Variants in VCAN observed in about 807,000 individuals in gnomAD.
The protein encoded by VCAN is versican core protein.
In VCAN, 44 loss-of-function variants were observed where a neutral mutation model predicts 245.5. The ratio of observed to expected loss-of-function variants is 0.18; its 90% CI spans 0.14 to 0.23. VCAN has a LOEUF of 0.23. Ranked by LOEUF, VCAN falls within the 10% of genes least tolerant of loss-of-function variation. The pLI is 1.00. For synonymous variants in VCAN, 1,413 were observed against 1,437.0 expected, an observed-to-expected ratio of 0.98 and a Z score of 0.38; for missense variants, 3,793 against 4,057.9, an observed-to-expected ratio of 0.93 and a Z score of 1.77.
chr5:83,547,887 T>C, intron 9 of VCAN, 84 bp from the exon 10 acceptor site: 2 of 831,076 alleles, frequency 2.4e-6, no homozygotes, highest in Non-Finnish European at 4.0e-6. Flanking sequence ...GGCTGTCTTG[T>C]ATGTTATCTT....
Position 83,490,464 on chromosome 5 carries a change from CTG to C in VCAN, c.440_441del (p.Val147GlyfsTer19). 6.2e-7 allele frequency: 1 copy of C among 1,614,020 alleles called. No homozygotes were observed. On this transcript the variant is annotated frameshift_variant, in exon 3 of 15. Transcript: ENST00000265077. LOFTEE classifies it high-confidence loss of function. ...GACACACAAGACACGGTGTCACTGA[CTG>C]TGGATGGTAAGGCTTTTATTATCTG...
At position 83,521,156 on chromosome 5, in the gene VCAN, A is replaced by G. The variant is rs780543131; in HGVS notation, c.2850A>G (p.Glu950=). The change falls in exon 7 of 15, where the codon GAA becomes GAG. Residue 950 remains glutamate (E), a synonymous_variant. Coordinates refer to ENST00000265077, the MANE Select transcript of VCAN (RefSeq NM_004385.5). The part of the protein sequence containing the change: ...VPQFAHTSEV[E]GLAFVSYSST... ...AATTTGCACACACTTCAGAGGTGGA[A>G]GGATTAGCATTTGTTAGTTATAGTA... 15 of 1,613,850 alleles carry G rather than the reference A, an allele frequency of 9.3e-6. No homozygotes were observed. The highest frequency in any genetic ancestry group is 1.3e-5 in the Non-Finnish European group (15 of 1,179,796).
intron 3 of VCAN, 90 bp downstream of exon 3, chr5:83,490,562 T>C: frequency 2.5e-6 from 4 of 1,581,160 alleles, no homozygotes; most frequent in Non-Finnish European, 2.6e-6. Context: ...AACTGTTGTT[T>C]GGGGTTTGGA....
chr5:83,471,867 C>A lies in VCAN; in HGVS notation c.-163C>A. On this transcript the variant is annotated 5_prime_UTR_variant, in exon 1 of 15. Transcript: ENST00000265077. ...GCTGGGACCAAGATCTTCGGCCAGCCCCGCATCCTCCCGCATCTTCCAGCA... is the reference window on the plus strand; with the variant it reads ...GCTGGGACCAAGATCTTCGGCCAGCACCGCATCCTCCCGCATCTTCCAGCA... The A allele has an allele frequency of 2.5e-6, 1 of 395,946 alleles. No individual in the cohort carries two copies. Among genetic ancestry groups the A allele is most frequent in the Non-Finnish European group, 4.4e-6 (1 of 224,722 alleles). The allele number at this position is 395,946 out of a possible 1,614,324, so 24.5% of individuals were successfully genotyped here.
chr5:83,489,694 A>G (rs1409475882), intron 2 of VCAN, among the ~76,000 whole-genome samples: 1 of 152,100 alleles, frequency 6.6e-6, no homozygotes, highest in Non-Finnish European at 1.5e-5. Context: ...TTCGACCTGT[A>G]GACATAATTT....
Position 83,540,652 on chromosome 5 carries a change from A to G in VCAN, c.7649A>G (p.Glu2550Gly). 6.2e-7 allele frequency: 1 copy of G among 1,613,954 alleles called. No individual in the cohort carries two copies. Among genetic ancestry groups the G allele is most frequent in the Non-Finnish European group, 8.5e-7 (1 of 1,179,964 alleles). Residue 2550 changes from glutamate (E) to glycine (G), a missense_variant, in exon 8 of 15, where the codon GAG becomes GGG. Transcript: ENST00000265077. Reference sequence around the variant, plus strand: ...AATATTATCATAGACCTGGACAAAGAGGACAAGGATTTAATATTGACAATT... The same window carrying G: ...AATATTATCATAGACCTGGACAAAGGGGACAAGGATTTAATATTGACAATT... ...TENIIIDLDK[E>G]DKDLILTITE...
intron 7 of VCAN, among the ~76,000 whole-genome samples, chr5:83,526,081 A>G (rs1746284149): frequency 6.8e-6 from 1 of 147,188 alleles, no homozygotes; most frequent in African/African-American, 2.5e-5. Flanking sequence ...CTGGGATTAC[A>G]GGCGCCTGCC....
chr5:83,527,690 C>G (rs1746354040), intron 7 of VCAN, among the ~76,000 whole-genome samples: 1 of 152,156 alleles, frequency 6.6e-6, no homozygotes, highest in Admixed American at 6.5e-5. Context: ...CATATAGAAT[C>G]TCAATATTTT....
At position 83,545,529 on chromosome 5, in the gene VCAN, T is replaced by C. The variant is rs1747171191; in HGVS notation, c.9266-8T>C. On this transcript the variant is annotated splice_region_variant and splice_polypyrimidine_tract_variant and intron_variant, in intron 8 of 14. Transcript: ENST00000265077. Reference sequence around the variant, plus strand: ...TAACTGCTTTTCTTACTTTCCTGAATATGGTAGGACCTGATCGCTGCAAAA... The same window carrying C: ...TAACTGCTTTTCTTACTTTCCTGAACATGGTAGGACCTGATCGCTGCAAAA... The C allele has an allele frequency of 6.2e-7, 1 of 1,613,130 alleles. No individual in the cohort carries two copies. The highest frequency in any genetic ancestry group is 8.5e-7 in the Non-Finnish European group (1 of 1,179,092).
intron 6 of VCAN, chr5:83,512,934 A>G (rs1048649492): frequency 5.2e-5 from 8 of 153,846 alleles, no homozygotes; most frequent in African/African-American, 1.7e-4. Flanking sequence ...ATGTCAAGTA[A>G]TGGAAATACA....
At chr5:83,492,019 G>A (rs753662467) in intron 3 of VCAN, among the ~76,000 whole-genome samples, 4 of 151,686 alleles carry the variant, frequency 2.6e-5, no homozygotes, top group Non-Finnish European at 5.9e-5. Context: ...ACAAATTGGC[G>A]TTTGATTTTT....
intron 5 of VCAN, among the ~76,000 whole-genome samples, chr5:83,501,381 C>T (rs1745325540): frequency 1.3e-5 from 2 of 151,986 alleles, no homozygotes; most frequent in African/African-American, 4.8e-5. Flanking sequence ...TGCCAAATCC[C>T]CAGTCATGAA....
Position 83,519,895 on chromosome 5 carries a change from A to G in VCAN, c.1589A>G (p.Lys530Arg), listed in dbSNP as rs749680887. 6.2e-7 allele frequency: 1 copy of G among 1,614,146 alleles called. No homozygotes were observed. The highest frequency in any genetic ancestry group is 1.1e-5 in the South Asian group (1 of 91,090). The stretch of plus-strand genomic sequence containing the variant: ...ACTGCAAGAATGATCCTGGAATCCA[A>G]AACTGAAAAGAAAATGGTAAGCACT... Reference protein sequence around the residue: ...LVTARMILESKTEKKMVSTVS... With the variant: ...LVTARMILESRTEKKMVSTVS... Residue 530 changes from lysine (K) to arginine (R), a missense_variant, in exon 7 of 15, where the codon AAA becomes AGA. Physicochemically the swap from Lys to Arg is conservative, Grantham distance 26 (BLOSUM62 2). Coordinates refer to ENST00000265077, the MANE Select transcript of VCAN (RefSeq NM_004385.5).
At chr5:83,545,285 A>G (rs1470646290) in intron 8 of VCAN, among the ~76,000 whole-genome samples, 1 of 152,226 alleles carries the variant, frequency 6.6e-6, no homozygotes, top group Non-Finnish European at 1.5e-5. Context: ...TGCCAGATAC[A>G]GTACAAAAAA....
chr5:83,573,740 G>A (rs1748375781), intron 13 of VCAN, among the ~76,000 whole-genome samples: 2 of 152,062 alleles, frequency 1.3e-5, no homozygotes, highest in Admixed American at 1.3e-4. Flanking sequence ...ATGTATGAAT[G>A]CACATCACTC....
chr5:83,520,460 A>AG lies in VCAN; in HGVS notation c.2155dup (p.Glu719GlyfsTer30), dbSNP rs1561244136. 1 of 1,614,014 alleles carries AG rather than the reference A, an allele frequency of 6.2e-7. No homozygotes were observed. The highest frequency in any genetic ancestry group is 2.2e-5 in the East Asian group (1 of 44,864). On this transcript the variant is annotated frameshift_variant, in exon 7 of 15. Coordinates refer to ENST00000265077, the MANE Select transcript of VCAN (RefSeq NM_004385.5). LOFTEE classifies it high-confidence loss of function. ...GTCCATTTATGGGAAAAACAGAAGA[A>AG]GAAGTCTTCTCTGGGATGAAACTCT... is the stretch of plus-strand genomic sequence containing the variant.
chr5:83,497,345 A>G (rs1745191097), intron 5 of VCAN, among the ~76,000 whole-genome samples: 1 of 152,152 alleles, frequency 6.6e-6, no homozygotes, highest in Admixed American at 6.6e-5. Flanking sequence ...AAATTTGAAT[A>G]ATTGCACTAA....
Position 83,541,074 on chromosome 5 carries a change from A to G in VCAN, c.8071A>G (p.Thr2691Ala). ...TELDVLLPTATSLPIPRKSAT... is the reference protein window; with the variant it reads ...TELDVLLPTAASLPIPRKSAT... ...ATTAGACGTTTTACTTCCCACGGCA[A>G]CATCCCTGCCAATTCCTCGTAAGTC... is the stretch of plus-strand genomic sequence containing the variant. Residue 2691 changes from threonine (T) to alanine (A), a missense_variant, in exon 8 of 15, where the codon ACA (threonine) becomes GCA (alanine). Coordinates refer to ENST00000265077, the MANE Select transcript of VCAN (RefSeq NM_004385.5). 1.2e-6 allele frequency: 2 copies of G among 1,614,138 alleles called. No individual in the cohort carries two copies. Among genetic ancestry groups the G allele is most frequent in the Non-Finnish European group, 1.7e-6 (2 of 1,179,992 alleles).
At chr5:83,529,520 T>G (rs1746439882) in intron 7 of VCAN, among the ~76,000 whole-genome samples, 2 of 152,166 alleles carry the variant, frequency 1.3e-5, no homozygotes, top group South Asian at 4.2e-4. Flanking sequence ...ATGCGTAGGA[T>G]TCCTGCAAAT....
Sources: allele counts gnomAD v4.1 joint callset (sites outside exome capture counted in the v4.1 genomes callset), GRCh38; gene constraint gnomAD v4.1.1; transcripts MANE v1.5; gene names NCBI Gene and HGNC (gene_info 2026-07-23, HGNC 2026-07-21).